Variants in LYG1 observed in about 807,000 individuals in gnomAD.
The protein encoded by LYG1 is lysozyme g1, also known as lysozyme g-like protein 1.
A neutral mutation model predicts 21.7 loss-of-function variants in LYG1; 17 were observed. The observed-to-expected ratio is 0.78, with a 90% CI of 0.54 to 1.18. The LOEUF is 1.18. LYG1 is among the 50% of genes most tolerant of loss of function. The pLI is 0.00. For missense variants in LYG1, 211 were observed against 238.1 expected (o/e 0.89, Z 0.75); for synonymous variants, 81 against 87.4 (o/e 0.93, Z 0.41).
intron 2 of LYG1, among the ~76,000 whole-genome samples, chr2:99,296,303 C>A (rs990616544): frequency 6.6e-6 from 1 of 152,146 alleles, no homozygotes; most frequent in Non-Finnish European, 1.5e-5. Flanking sequence ...AATGCGGCAA[C>A]AAACCTGGAC....
At chr2:99,296,048 A>G (rs1157777908) in intron 2 of LYG1, among the ~76,000 whole-genome samples, 2 of 151,796 alleles carry the variant, frequency 1.3e-5, no homozygotes, top group African/African-American at 4.8e-5. Context: ...CAAATTTCTG[A>G]TGCCCATACC....
Position 99,295,655 on chromosome 2 carries a change from G to T in LYG1, c.16C>A (p.Leu6Met). Reference protein sequence around the residue: MSALWLLLGLLALMDL... With the variant: MSALWMLLGLLALMDL... ...ATCAGGGCAAGGAGGCCCAGCAGCA[G>T]CCACAATGCAGACATGATGACGATC... Residue 6 changes from leucine to methionine, a missense_variant, in exon 3 of 7, where the codon CTG (leucine) becomes ATG (methionine). Leu to Met is a conservative substitution (Grantham distance 15, BLOSUM62 2). Coordinates refer to ENST00000308528, the MANE Select transcript of LYG1 (RefSeq NM_174898.3). 1 of 1,614,166 alleles carries T rather than the reference G, an allele frequency of 6.2e-7. No homozygotes were observed. The highest frequency in any genetic ancestry group is 1.1e-5 in the South Asian group (1 of 91,086).
At chr2:99,301,795 A>C (rs2094155128), upstream of LYG1, among the ~76,000 whole-genome samples, 1 of 150,556 alleles carries the variant, frequency 6.6e-6, no homozygotes, top group Non-Finnish European at 1.5e-5. Context: ...AACCACCGAG[A>C]GATACCAGTT....
chr2:99,301,463 GGAAGGGAGGAAGGGAAGGAAGA>G (rs2094153739), upstream of LYG1, among the ~76,000 whole-genome samples: 5 of 100,500 alleles, frequency 5.0e-5, no homozygotes, highest in East Asian at 4.5e-4. Flanking sequence ...GAAGGGAAGA[GGAAGGGAGGAAGGGAAGGAAGA>G]AAGAAAAGGA....
rs1440716569 is a variant in LYG1 at position 99,301,086 on chromosome 2, G to A, written c.-160C>T. The stretch of plus-strand genomic sequence containing the variant: ...CAGTGCTCCTCCTTAGAGGTGGTGA[G>A]CCCACAGCGATTTATATAGAGTCCT... On this transcript the variant is annotated 5_prime_UTR_variant, in exon 1 of 7. Transcript: ENST00000308528. 7.0e-6 allele frequency: 1 copy of A among 143,060 alleles called. No individual in the cohort carries two copies. Among genetic ancestry groups the A allele is most frequent in the African/African-American group, 2.6e-5 (1 of 38,164 alleles). The allele number at this position is 143,060 out of a possible 1,614,324, so 8.9% of individuals were successfully genotyped here.
intron 2 of LYG1, among the ~76,000 whole-genome samples, chr2:99,296,204 C>T (rs1053706446): frequency 1.2e-4 from 18 of 152,160 alleles, no homozygotes; most frequent in African/African-American, 3.9e-4. Context: ...GGTTGGAAGA[C>T]GTTTCCCACT....
At chr2:99,299,825 T>G (rs891841364) in intron 1 of LYG1, among the ~76,000 whole-genome samples, 2 of 151,976 alleles carry the variant, frequency 1.3e-5, no homozygotes, top group African/African-American at 2.4e-5. Context: ...AATGTTTAAG[T>G]TTTTAAATTT....
chr2:99,298,844 TC>T (rs898477018), intron 1 of LYG1, among the ~76,000 whole-genome samples: 6 of 152,230 alleles, frequency 3.9e-5, no homozygotes, highest in African/African-American at 1.2e-4. Context: ...CTAACATGTC[TC>T]TGTGTCTACC....
chr2:99,304,123 G>A (rs1327413938), upstream of LYG1, among the ~76,000 whole-genome samples: 3 of 151,966 alleles, frequency 2.0e-5, no homozygotes, highest in East Asian at 5.8e-4. Flanking sequence ...GGGGTCAGAA[G>A]TGGAATGATA....
Position 99,284,319 on chromosome 2 carries a change from G to T in LYG1, c.*74C>A. Reference sequence around the variant, plus strand: ...CAAACTCAGATTCCCAGTTACAGGTGCCCTTGGCTAGTTTTATCTGTGTAA... The same window carrying T: ...CAAACTCAGATTCCCAGTTACAGGTTCCCTTGGCTAGTTTTATCTGTGTAA... On this transcript the variant is annotated 3_prime_UTR_variant, in exon 7 of 7. Transcript: ENST00000308528. 1 of 1,274,712 alleles carries T rather than the reference G, an allele frequency of 7.8e-7. No homozygotes were observed. The highest frequency in any genetic ancestry group is 1.1e-6 in the Non-Finnish European group (1 of 892,336). The allele number at this position is 1,274,712 out of a possible 1,614,324, so 79.0% of individuals were successfully genotyped here.
upstream of LYG1, among the ~76,000 whole-genome samples, chr2:99,302,034 G>A (rs1304546514): frequency 2.0e-5 from 3 of 152,186 alleles, no homozygotes; most frequent in Admixed American, 6.5e-5. Context: ...CAGCTCAGCT[G>A]AACAGCTTGA....
At chr2:99,290,790 A>AT (rs1429208561) in intron 5 of LYG1, among the ~76,000 whole-genome samples, 2 of 152,214 alleles carry the variant, frequency 1.3e-5, no homozygotes, top group African/African-American at 4.8e-5. Flanking sequence ...TAAATTTAAC[A>AT]TTTTTTGAGA....
chr2:99,295,757 C>T lies in LYG1; in HGVS notation c.-32-55G>A. 3 of 1,509,530 alleles carry T rather than the reference C, an allele frequency of 2.0e-6. No homozygotes were observed. In the South Asian group the frequency reaches 3.4e-5, roughly 17 times the overall value. 93.5% of individuals were successfully genotyped at this position (1,509,530 alleles called of 1,614,324 possible). On this transcript the variant is annotated intron_variant, in intron 2 of 6. Coordinates refer to ENST00000308528, the MANE Select transcript of LYG1 (RefSeq NM_174898.3). Reference sequence around the variant, plus strand: ...CAAAAATATCAGTCATCATCATAACCACATGTAATATTTCCACAGAAGCAG... The same window carrying T: ...CAAAAATATCAGTCATCATCATAACTACATGTAATATTTCCACAGAAGCAG...
rs1467066941 is a variant in LYG1, at chr2:99,284,481, C to T, written c.497G>A (p.Gly166Asp). ...CAGGTCCTGGCTGCTTCGGACATAG[C>T]CAGCACCCCCACTGTAGGCACAGAG... ...GGLCAYSGGA[G>D]YVRSSQDLSC... Residue 166 changes from glycine to aspartate, a missense_variant, in exon 7 of 7, where the codon GGC becomes GAC. Coordinates refer to ENST00000308528, the MANE Select transcript of LYG1 (RefSeq NM_174898.3). 5.6e-6 allele frequency: 9 copies of T among 1,614,018 alleles called. No homozygotes were observed. The highest frequency in any genetic ancestry group is 7.6e-6 in the Non-Finnish European group (9 of 1,180,018).
intron 4 of LYG1, among the ~76,000 whole-genome samples, chr2:99,291,664 T>C (rs1485233152): frequency 6.6e-6 from 1 of 152,166 alleles, no homozygotes; most frequent in Admixed American, 6.5e-5. Flanking sequence ...GCCCTTCGAC[T>C]GGGCTCTCAG....
At chr2:99,285,298 T>C (rs1164027217) in intron 5 of LYG1, among the ~76,000 whole-genome samples, 2 of 151,822 alleles carry the variant, frequency 1.3e-5, no homozygotes, top group African/African-American at 4.8e-5. Context: ...AGAGGATCAA[T>C]TGAGCCTGGG....
intron 5 of LYG1, among the ~76,000 whole-genome samples, chr2:99,287,290 C>A (rs747353413): frequency 6.6e-6 from 1 of 152,160 alleles, no homozygotes; most frequent in Non-Finnish European, 1.5e-5. Flanking sequence ...AAACCAAATA[C>A]CACATGTTCT....
intron 1 of LYG1, among the ~76,000 whole-genome samples, chr2:99,299,029 T>C (rs2094145890): frequency 6.6e-6 from 1 of 152,060 alleles, no homozygotes. Flanking sequence ...CCTCTTGAAT[T>C]CAAGTGATTA....
chr2:99,292,335 GTCAA>G (rs1458433120), intron 4 of LYG1, among the ~76,000 whole-genome samples, 197 bp downstream of exon 4: 2 of 152,140 alleles, frequency 1.3e-5, no homozygotes, highest in Admixed American at 1.3e-4. Context: ...TCCACATTGT[GTCAA>G]TCAGAGCTCA....
Sources: allele counts gnomAD v4.1 joint callset (sites outside exome capture counted in the v4.1 genomes callset), GRCh38; gene constraint gnomAD v4.1.1; transcripts MANE v1.5; gene names NCBI Gene and HGNC (gene_info 2026-07-23, HGNC 2026-07-21).